The following PPP2R3A variants were observed in gnomAD, a reference collection of about 807,000 sequenced individuals.
PPP2R3A encodes the protein protein phosphatase 2 regulatory subunit B''alpha.
PPP2R3A carries 80 observed loss-of-function variants against 106.9 expected under a neutral mutation model. The observed-to-expected ratio is 0.75, with a 90% confidence interval of 0.62 to 0.90. The LOEUF (loss-of-function observed/expected upper bound fraction) is 0.90. Ranked by LOEUF, PPP2R3A falls within the 40% of genes least tolerant of loss-of-function variation. The pLI, the probability that PPP2R3A is intolerant of heterozygous loss-of-function variation, is 0.00. For missense variants in PPP2R3A, 1,386 were observed against 1,350.4 expected, an observed-to-expected ratio of 1.03 and a Z score of -0.41; for synonymous variants, 483 against 468.3, an observed-to-expected ratio of 1.03 and a Z score of -0.41.
At chr3:136,023,818 T>C (rs886226180) in intron 2 of PPP2R3A, among the ~76,000 whole-genome samples, 1 of 152,126 alleles carries the variant, frequency 6.6e-6, no homozygotes, top group Admixed American at 6.6e-5. Context: ...TTTCTGCCTA[T>C]GATGAGTACT....
chr3:135,977,063 T>G (rs551584564), intron 1 of PPP2R3A, among the ~76,000 whole-genome samples: 8 of 152,170 alleles, frequency 5.3e-5, no homozygotes, highest in Admixed American at 2.6e-4. Flanking sequence ...TAAGGCAAGG[T>G]CCTCCTCCAT....
rs142416670 is a variant in PPP2R3A, at chr3:136,113,394, C to T, written c.3329+7072C>T. Among the ~76,000 whole-genome samples the T allele has an allele frequency of 7.6e-3, 1,152 of 152,282 alleles. 19 individuals carry two copies. Among genetic ancestry groups the T allele is most frequent in the African/African-American group, 0.026 (1,088 of 41,546 alleles). On this transcript the variant is annotated intron_variant, in intron 13 of 13. Coordinates refer to ENST00000264977, the MANE Select transcript of PPP2R3A (RefSeq NM_002718.5). ...TTGATAGTAAGCAATGAGGAAAGAA[C>T]TCCCTATTCAATAAATGGTGCTGGC...
chr3:135,978,095 C>A (rs1937469530), intron 1 of PPP2R3A, among the ~76,000 whole-genome samples: 3 of 152,166 alleles, frequency 2.0e-5, no homozygotes, highest in Admixed American at 2.0e-4. Flanking sequence ...GTACTCTTTG[C>A]AACTTTTCTA....
At chr3:136,105,523 G>A (rs946527678) in intron 12 of PPP2R3A, among the ~76,000 whole-genome samples, 10 of 152,170 alleles carry the variant, frequency 6.6e-5, no homozygotes, top group Admixed American at 2.0e-4. Context: ...TACTTAGTAG[G>A]TGGAATGCCT....
At chr3:136,021,056 C>T (rs1407377561) in intron 2 of PPP2R3A, among the ~76,000 whole-genome samples, 2 of 152,026 alleles carry the variant, frequency 1.3e-5, no homozygotes, top group African/African-American at 4.8e-5. Flanking sequence ...TACTCACCTA[C>T]AGCCACAGGT....
At position 136,040,858 on chromosome 3, in the gene PPP2R3A, G is replaced by C; in HGVS notation, c.2263-1G>C. The C allele has an allele frequency of 6.2e-7, 1 of 1,610,686 alleles. No individual in the cohort carries two copies. Among genetic ancestry groups the C allele is most frequent in the Non-Finnish European group, 8.5e-7 (1 of 1,178,606 alleles). On this transcript the variant is annotated splice_acceptor_variant, in intron 3 of 13. Coordinates refer to ENST00000264977, the MANE Select transcript of PPP2R3A (RefSeq NM_002718.5). LOFTEE classifies it high-confidence loss of function. ...ACCCTGTATGTGTTTTCTATTTGCAGGTCTGTGGCTGTCCTCTCTATTGGA... is the reference window on the plus strand; with the variant it reads ...ACCCTGTATGTGTTTTCTATTTGCACGTCTGTGGCTGTCCTCTCTATTGGA...
chr3:136,051,923 C>G (rs1935700102), intron 5 of PPP2R3A, among the ~76,000 whole-genome samples: 1 of 152,260 alleles, frequency 6.6e-6, no homozygotes, highest in South Asian at 2.1e-4. Flanking sequence ...ATTTTATGCT[C>G]AGGGCCCTTG....
chr3:136,054,095 A>G (rs1304492234), intron 5 of PPP2R3A, among the ~76,000 whole-genome samples: 1 of 152,126 alleles, frequency 6.6e-6, no homozygotes, highest in African/African-American at 2.4e-5. Context: ...AAGTGAACAA[A>G]TACTTAAATA....
At chr3:135,974,926 T>A (rs1937370513) in intron 1 of PPP2R3A, among the ~76,000 whole-genome samples, 1 of 152,224 alleles carries the variant, frequency 6.6e-6, no homozygotes, top group Non-Finnish European at 1.5e-5. Flanking sequence ...GGGCCACTTA[T>A]CCCTTCCATT....
chr3:135,999,988 A>G (rs541479638), intron 1 of PPP2R3A, among the ~76,000 whole-genome samples: 3 of 152,144 alleles, frequency 2.0e-5, no homozygotes, highest in African/African-American at 7.2e-5. Flanking sequence ...CCATTCTTTT[A>G]GTGAATCACG....
At chr3:136,098,535 T>C (rs989695386) in intron 10 of PPP2R3A, among the ~76,000 whole-genome samples, 1 of 152,144 alleles carries the variant, frequency 6.6e-6, no homozygotes, top group African/African-American at 2.4e-5. Flanking sequence ...GGCCTACAAG[T>C]GGGAATTTGA....
chr3:136,143,774 C>G (rs1201276040), intron 13 of PPP2R3A, among the ~76,000 whole-genome samples: 1 of 152,200 alleles, frequency 6.6e-6, no homozygotes, highest in East Asian at 1.9e-4. Flanking sequence ...CTGGGCGACA[C>G]AGCGAGACTC....
chr3:136,034,044 T>TC (rs1935000299), intron 3 of PPP2R3A, among the ~76,000 whole-genome samples: 1 of 149,960 alleles, frequency 6.7e-6, no homozygotes, highest in South Asian at 2.1e-4. Context: ...TTTTTCTTTT[T>TC]TTTTTTTTTT....
Position 136,106,338 on chromosome 3 carries a change from T to C in PPP2R3A, c.3329+16T>C, listed in dbSNP as rs1186699874. The stretch of plus-strand genomic sequence containing the variant: ...TCCAGGAAGGGTGAGTAAGTTTCCC[T>C]ATGTCTTATAGAATTTTTAACAGGA... On this transcript the variant is annotated intron_variant, in intron 13 of 13. Transcript: ENST00000264977. The C allele has an allele frequency of 6.2e-7, 1 of 1,603,330 alleles. No individual in the cohort carries two copies.
chr3:135,987,702 G>A (rs1287502197), intron 1 of PPP2R3A, among the ~76,000 whole-genome samples: 1 of 151,858 alleles, frequency 6.6e-6, no homozygotes, highest in Non-Finnish European at 1.5e-5. Context: ...TTTTTTGTCA[G>A]TCTCCTTTGC....
At chr3:136,102,673 G>C (rs564296893) in intron 11 of PPP2R3A, among the ~76,000 whole-genome samples, 5 of 152,206 alleles carry the variant, frequency 3.3e-5, no homozygotes, top group Admixed American at 2.0e-4. Flanking sequence ...TGGCAAGTCT[G>C]CTATTTAAGA....
At chr3:135,994,354 G>T (rs1036379935) in intron 1 of PPP2R3A, among the ~76,000 whole-genome samples, 3 of 152,112 alleles carry the variant, frequency 2.0e-5, no homozygotes, top group African/African-American at 7.2e-5. Context: ...TTCTGTTTCA[G>T]TTTTTTCCTC....
chr3:136,135,445 A>G (rs1163088047), intron 13 of PPP2R3A, among the ~76,000 whole-genome samples: 3 of 152,214 alleles, frequency 2.0e-5, no homozygotes, highest in Non-Finnish European at 2.9e-5. Context: ...GGCTAAATCA[A>G]CTAGGGTTTC....
chr3:136,138,842 G>A (rs1051298561), intron 13 of PPP2R3A, among the ~76,000 whole-genome samples: 3 of 150,890 alleles, frequency 2.0e-5, no homozygotes, highest in African/African-American at 7.3e-5. Context: ...CTCCCGAGTA[G>A]CTGGGATTAC....
Sources: gnomAD v4.1 joint callset for allele counts (sites outside exome capture counted in the v4.1 genomes callset) on GRCh38, gnomAD v4.1.1 for gene constraint, MANE v1.5 for transcripts, NCBI Gene and HGNC (gene_info 2026-07-23, HGNC 2026-07-21) for gene names.